Variants in UVSSA observed in about 807,000 individuals in gnomAD.
UVSSA encodes UV stimulated scaffold protein A.
Under a neutral mutation model 73.9 loss-of-function variants are expected in UVSSA, and 72 were observed. The ratio of observed to expected loss-of-function variants is 0.97; its 90% CI spans 0.81 to 1.19. The LOEUF (loss-of-function observed/expected upper bound fraction) is 1.19. Among genes scored for constraint, UVSSA ranks in the 50% most tolerant of loss-of-function variants. The pLI is 0.00. For missense variants in UVSSA, 1,150 were observed against 965.0 expected, an observed-to-expected ratio of 1.19 and a Z score of -2.54; for synonymous variants, 454 against 391.3, an observed-to-expected ratio of 1.16 and a Z score of -1.89.
chr4:1,361,862 T>C (rs1008014683), intron 7 of UVSSA, among the ~76,000 whole-genome samples: 1 of 152,172 alleles, frequency 6.6e-6, no homozygotes, highest in African/African-American at 2.4e-5. Flanking sequence ...ATTTTTTTTT[T>C]TTTTTTTATA....
chr4:1,382,409 G>A (rs913821719), intron 12 of UVSSA, among the ~76,000 whole-genome samples: 3 of 152,208 alleles, frequency 2.0e-5, no homozygotes, highest in Admixed American at 1.3e-4. Context: ...CGCGCACGGC[G>A]CAATTTTCCT....
intron 7 of UVSSA, among the ~76,000 whole-genome samples, chr4:1,361,355 G>A (rs1362068805): frequency 6.6e-6 from 1 of 152,260 alleles, no homozygotes; most frequent in African/African-American, 2.4e-5. Flanking sequence ...AATGGGAAGA[G>A]GCCCACAGCA....
At chr4:1,368,232 G>A (rs1045387162) in intron 8 of UVSSA, among the ~76,000 whole-genome samples, 3 of 152,252 alleles carry the variant, frequency 2.0e-5, no homozygotes, top group Non-Finnish European at 4.4e-5. Flanking sequence ...ACATTTCCTG[G>A]CCTTGGGCCT....
At chr4:1,364,303 A>C (rs13151451) in intron 7 of UVSSA, among the ~76,000 whole-genome samples, 1,456 of 39,008 alleles carry the variant, frequency 0.037, 24 homozygotes, top group Middle Eastern at 0.075. Context: ...GCCCCGTGGC[A>C]TTGTGTGGCC....
At chr4:1,378,364 C>T (rs970717671) in intron 10 of UVSSA, among the ~76,000 whole-genome samples, 1 of 152,182 alleles carries the variant, frequency 6.6e-6, no homozygotes, top group Non-Finnish European at 1.5e-5. Context: ...ACCAGCCTGG[C>T]CAACATGACA....
chr4:1,377,154 G>A (rs1718878624), intron 10 of UVSSA, among the ~76,000 whole-genome samples: 1 of 152,198 alleles, frequency 6.6e-6, no homozygotes, highest in Non-Finnish European at 1.5e-5. Flanking sequence ...GGGGAGCCGG[G>A]CAAGGGTCCT....
chr4:1,372,671 C>T (rs1377892872), intron 8 of UVSSA, among the ~76,000 whole-genome samples: 2 of 135,758 alleles, frequency 1.5e-5, no homozygotes, highest in South Asian at 2.4e-4. Flanking sequence ...CTCAGTGTTC[C>T]TCCCGCGTCT....
chr4:1,395,679 C>G (rs1157386668), exon 14 of UVSSA: 6 of 1,612,332 alleles, frequency 3.7e-6, no homozygotes, highest in Non-Finnish European at 4.2e-6. Context: ...ACACACGTGC[C>G]CATGTGGAGT....
intron 8 of UVSSA, among the ~76,000 whole-genome samples, chr4:1,374,528 T>C (rs2109259242): frequency 6.6e-6 from 1 of 152,228 alleles, no homozygotes; most frequent in East Asian, 1.9e-4. Context: ...CACGCTGGGC[T>C]GCGGAGGCCA....
At position 1,375,446 on chromosome 4, in the gene UVSSA, C is replaced by A; in HGVS notation, c.1371C>A (p.Pro457=). 6.2e-7 allele frequency: 1 copy of A among 1,613,326 alleles called. No individual in the cohort carries two copies. ...GGATGGACGAGGAGGTGTCGGACCC[C>A]ACCTCTGCGGCTGCTCAGCTGCGGC... is the stretch of plus-strand genomic sequence containing the variant. ...RTRMDEEVSD[P]TSAAAQLRQL... is the part of the protein sequence containing the mutation. Residue 457 remains proline (P), a synonymous_variant, in exon 9 of 14, where the codon CCC becomes CCA. Transcript: ENST00000389851.
At chr4:1,353,637 T>C (rs1278411776) in intron 5 of UVSSA, among the ~76,000 whole-genome samples, 1 of 152,130 alleles carries the variant, frequency 6.6e-6, no homozygotes, top group Non-Finnish European at 1.5e-5. Context: ...TAAGAGCTCA[T>C]GGCAGCCCCC....
At chr4:1,343,198 T>C (rs976206899), upstream of UVSSA, among the ~76,000 whole-genome samples, 4 of 152,158 alleles carry the variant, frequency 2.6e-5, no homozygotes, top group South Asian at 2.1e-4. Flanking sequence ...TGGCTCCCGG[T>C]GAGGCCTCTC....
chr4:1,380,887 T>A lies in UVSSA; in HGVS notation c.1760T>A (p.Phe587Tyr). The A allele has an allele frequency of 5.0e-6, 8 of 1,612,860 alleles. No homozygotes were observed. Among genetic ancestry groups the A allele is most frequent in the Non-Finnish European group, 6.8e-6 (8 of 1,179,842 alleles). Residue 587 changes from phenylalanine (F) to tyrosine (Y), a missense_variant, in exon 12 of 14, where the codon TTC (phenylalanine) becomes TAC (tyrosine). Physicochemically the swap from Phe to Tyr is conservative, Grantham distance 22 (BLOSUM62 3). Coordinates refer to ENST00000389851, the MANE Select transcript of UVSSA (RefSeq NM_020894.4). ...CGTGTCCTCGCTGTGCAGTGCCCTTTCCATGGGAAGATTGTTCCACGGGAC... is the reference window on the plus strand; with the variant it reads ...CGTGTCCTCGCTGTGCAGTGCCCTTACCATGGGAAGATTGTTCCACGGGAC... ...CERQDRLKCP[F>Y]HGKIVPRDDE...
intron 8 of UVSSA, among the ~76,000 whole-genome samples, chr4:1,371,746 A>G (rs2109238378): frequency 6.6e-6 from 1 of 152,320 alleles, no homozygotes; most frequent in African/African-American, 2.4e-5. Context: ...AGCACGGGGA[A>G]GACCCACCAG....
At chr4:1,370,062 T>C (rs184617098) in intron 8 of UVSSA, among the ~76,000 whole-genome samples, 22 of 152,342 alleles carry the variant, frequency 1.4e-4, no homozygotes, top group Non-Finnish European at 2.4e-4. Context: ...AGTGGGAGTG[T>C]GTTTAGTGCC....
At chr4:1,354,696 G>A (rs1170394905) in intron 5 of UVSSA, 39 bp from the exon 6 acceptor site, 16 of 1,588,172 alleles carry the variant, frequency 1.0e-5, no homozygotes, top group Non-Finnish European at 1.3e-5. Context: ...GGAGACGCCA[G>A]TCGGCGCCCT....
intron 7 of UVSSA, among the ~76,000 whole-genome samples, chr4:1,364,268 C>T (rs1441922713): frequency 1.3e-4 from 15 of 119,880 alleles, no homozygotes; most frequent in Admixed American, 4.7e-4. Context: ...TGGGGGCCAC[C>T]TCCCGGCAGG....
At position 1,348,129 on chromosome 4, in the gene UVSSA, C is replaced by T. The variant is rs772561562; in HGVS notation, c.38C>T (p.Thr13Ile). 1.2e-6 allele frequency: 2 copies of T among 1,613,904 alleles called. No individual in the cohort carries two copies. Among genetic ancestry groups the T allele is most frequent in the African/African-American group, 1.3e-5 (1 of 75,026 alleles). Reference protein sequence around the residue: ...QKLSKLVEELTTSGEPRLNPE... With the variant: ...QKLSKLVEELITSGEPRLNPE... ...CTTTCGAAGTTGGTAGAAGAGCTCACAACTTCAGGAGAACCCCGACTAAAT... is the reference window on the plus strand; with the variant it reads ...CTTTCGAAGTTGGTAGAAGAGCTCATAACTTCAGGAGAACCCCGACTAAAT... Residue 13 changes from threonine (T) to isoleucine (I), a missense_variant, in exon 2 of 14, where the codon ACA becomes ATA. Transcript: ENST00000389851.
intron 8 of UVSSA, among the ~76,000 whole-genome samples, chr4:1,368,095 C>G (rs926760652): frequency 6.6e-6 from 1 of 152,230 alleles, no homozygotes; most frequent in African/African-American, 2.4e-5. Flanking sequence ...CAGCCGGGGC[C>G]TAGGCAGCCG....
Sources: allele counts gnomAD v4.1 joint callset (sites outside exome capture counted in the v4.1 genomes callset), GRCh38; gene constraint gnomAD v4.1.1; transcripts MANE v1.5; gene names NCBI Gene and HGNC (gene_info 2026-07-23, HGNC 2026-07-21).